Variants in SOX6 observed in about 807,000 individuals in gnomAD.
The protein encoded by SOX6 is SRY-box transcription factor 6.
A neutral mutation model predicts 97.8 loss-of-function variants in SOX6; 11 were observed. The observed-to-expected ratio is 0.11, with a 90% CI of 0.07 to 0.19. SOX6 has a LOEUF of 0.19. Ranked by LOEUF, SOX6 falls within the 10% of genes least tolerant of loss-of-function variation. SOX6 has a pLI of 1.00. For missense variants in SOX6, 810 were observed against 1,039.5 expected, an observed-to-expected ratio of 0.78 and a Z score of 3.04; for synonymous variants, 360 against 371.4, an observed-to-expected ratio of 0.97 and a Z score of 0.35.
intron 4 of SOX6, among the ~76,000 whole-genome samples, chr11:16,510,627 A>C (rs1203853294): frequency 6.6e-6 from 1 of 152,096 alleles, no homozygotes; most frequent in Non-Finnish European, 1.5e-5. Context: ...TACTTATCAA[A>C]GTCTATTTTT....
intron 4 of SOX6, among the ~76,000 whole-genome samples, chr11:16,213,462 A>G (rs1852284342): frequency 6.6e-6 from 1 of 152,138 alleles, no homozygotes; most frequent in Non-Finnish European, 1.5e-5. Flanking sequence ...AAGAATGCAT[A>G]CATAAAAACA....
chr11:16,048,473 T>C (rs1847599520), intron 11 of SOX6, among the ~76,000 whole-genome samples: 1 of 152,122 alleles, frequency 6.6e-6, no homozygotes, highest in South Asian at 2.1e-4. Flanking sequence ...AAAGAACACT[T>C]GAGTAACATG....
At chr11:16,012,103 GT>G in intron 13 of SOX6, among the ~76,000 whole-genome samples, 1 of 152,006 alleles carries the variant, frequency 6.6e-6, no homozygotes, top group African/African-American at 2.4e-5. Flanking sequence ...TTGGCTGGTT[GT>G]TTTTTTAGAC....
intron 1 of SOX6, among the ~76,000 whole-genome samples, chr11:16,352,073 C>T (rs775086680): frequency 1.3e-5 from 2 of 151,968 alleles, no homozygotes; most frequent in African/African-American, 2.4e-5. Context: ...TGAAAAAGGA[C>T]TTAAAATAAA....
At chr11:16,318,419 G>A (rs2134301962) in intron 3 of SOX6, 27 bp downstream of exon 3, 9 of 1,600,126 alleles carry the variant, frequency 5.6e-6, no homozygotes, top group Non-Finnish European at 6.0e-6. Context: ...AAAAAAAACA[G>A]AGCCCAACAG....
At chr11:16,033,850 C>T (rs1204053391) in intron 12 of SOX6, among the ~76,000 whole-genome samples, 1 of 150,744 alleles carries the variant, frequency 6.6e-6, no homozygotes, top group African/African-American at 2.4e-5. Context: ...CCAGCCTGGG[C>T]AACAAGAACG....
intron 4 of SOX6, among the ~76,000 whole-genome samples, chr11:16,223,410 TAGA>T (rs1852599652): frequency 1.3e-5 from 2 of 152,120 alleles, no homozygotes; most frequent in Admixed American, 1.3e-4. Context: ...TTCTAAGTTA[TAGA>T]AGTTCTTTTG....
chr11:16,388,193 T>C (rs1365918593), intron 1 of SOX6, among the ~76,000 whole-genome samples: 1 of 152,186 alleles, frequency 6.6e-6, no homozygotes, highest in Non-Finnish European at 1.5e-5. Context: ...GAAATGATCA[T>C]ATGATTTCTC....
intron 3 of SOX6, among the ~76,000 whole-genome samples, chr11:16,242,462 G>GT (rs1165539348): frequency 2.0e-5 from 3 of 151,868 alleles, no homozygotes; most frequent in Non-Finnish European, 4.4e-5. Flanking sequence ...GAAGCGACAT[G>GT]TGACTGTGCT....
At chr11:16,256,716 A>C (rs1314254864) in intron 3 of SOX6, among the ~76,000 whole-genome samples, 1 of 151,850 alleles carries the variant, frequency 6.6e-6, no homozygotes, top group Admixed American at 6.6e-5. Flanking sequence ...GCAGTTTAAA[A>C]ATAAAATAAA....
chr11:16,384,399 T>C (rs1292367035), intron 1 of SOX6, among the ~76,000 whole-genome samples: 1 of 151,718 alleles, frequency 6.6e-6, no homozygotes, highest in Admixed American at 6.6e-5. Context: ...TAAAATAATA[T>C]AACATAAGAG....
Position 16,706,474 on chromosome 11 carries a change from ATATATATATATATATATATATATATAT to A in SOX6, n.429+8329_429+8355del, listed in dbSNP as rs1848136826. On this transcript the variant is annotated intron_variant and non_coding_transcript_variant, in intron 3 of 5. Coordinates refer to the SOX6 transcript ENST00000524520. Reference sequence around the variant, plus strand: ...CAAAAAAAAAAAAAAAAAAAAAAATATATATATATATATATATATATATATATATATATATATATATATATATATAGT... The same window carrying A: ...CAAAAAAAAAAAAAAAAAAAAAAATAATATATATATATATATATATATAGT... Among the ~76,000 whole-genome samples, 8 of 13,784 alleles carry A rather than the reference ATATATATATATATATATATATATATAT, an allele frequency of 5.8e-4. 3 individuals carry two copies. Among genetic ancestry groups the A allele is most frequent in the African/African-American group, 2.8e-3 (6 of 2,148 alleles). 9.0% of individuals were successfully genotyped at this position (13,784 alleles called of 152,430 possible).
chr11:16,016,238 T>C (rs1488563705), intron 12 of SOX6, among the ~76,000 whole-genome samples: 1 of 152,118 alleles, frequency 6.6e-6, no homozygotes, highest in Non-Finnish European at 1.5e-5. Flanking sequence ...TATTTTTGAA[T>C]ATCATTATAT....
intron 4 of SOX6, among the ~76,000 whole-genome samples, chr11:16,588,007 A>C (rs1212109512): frequency 3.9e-5 from 6 of 152,222 alleles, no homozygotes; most frequent in Non-Finnish European, 5.9e-5. Flanking sequence ...TAGGTTAGAA[A>C]GCAAGAGCAC....
chr11:16,394,359 T>A (rs1009017070), intron 1 of SOX6, among the ~76,000 whole-genome samples: 1 of 151,866 alleles, frequency 6.6e-6, no homozygotes, highest in Non-Finnish European at 1.5e-5. Flanking sequence ...AAGTGAGACG[T>A]TCTATAAATC....
intron 4 of SOX6, among the ~76,000 whole-genome samples, chr11:16,533,585 G>A (rs192520132): frequency 6.6e-5 from 10 of 152,052 alleles, no homozygotes; most frequent in Admixed American, 1.3e-4. Context: ...AAGTTTTAAA[G>A]ATTATATACC....
intron 1 of SOX6, among the ~76,000 whole-genome samples, chr11:16,370,744 A>C (rs1195885085): frequency 1.3e-5 from 2 of 152,054 alleles, no homozygotes; most frequent in African/African-American, 4.8e-5. Flanking sequence ...CTCAGGCCAG[A>C]ATCCTAGAGT....
chr11:16,282,496 A>G (rs192906381), intron 3 of SOX6, among the ~76,000 whole-genome samples: 2 of 151,734 alleles, frequency 1.3e-5, no homozygotes, highest in East Asian at 1.9e-4. Context: ...TTGAATATGC[A>G]AAGTAACTCT....
chr11:16,462,644 T>A (rs1230745150), intron 1 of SOX6, among the ~76,000 whole-genome samples: 3 of 152,212 alleles, frequency 2.0e-5, no homozygotes, highest in African/African-American at 4.8e-5. Flanking sequence ...AAAAAATTAA[T>A]CAGCACAACT....
Sources: gnomAD v4.1 joint callset for allele counts (sites outside exome capture counted in the v4.1 genomes callset) on GRCh38, gnomAD v4.1.1 for gene constraint, MANE v1.5 for transcripts, NCBI Gene and HGNC (gene_info 2026-07-23, HGNC 2026-07-21) for gene names.